Variants in WFDC5 observed in about 807,000 individuals in gnomAD.
WFDC5 encodes WAP four-disulfide core domain 5, also known as WAP four-disulfide core domain protein 5.
WFDC5 carries 15 observed loss-of-function variants against 15.7 expected under a neutral mutation model. The ratio of observed to expected loss-of-function variants is 0.96; its 90% CI spans 0.64 to 1.47. The LOEUF (loss-of-function observed/expected upper bound fraction) is 1.47. WFDC5 is among the 40% of genes most tolerant of loss of function. WFDC5 has a pLI of 0.00. For synonymous variants in WFDC5, 109 were observed against 107.7 expected, an observed-to-expected ratio of 1.01 and a Z score of -0.07; for missense variants, 280 against 258.0, an observed-to-expected ratio of 1.09 and a Z score of -0.59.
At chr20:45,109,472 G>T in exon 4 of WFDC5, 1 of 463,684 alleles carries the variant, frequency 2.2e-6, no homozygotes, top group Non-Finnish European at 3.9e-6. Flanking sequence ...ATTTTCTTTT[G>T]AAATGAATTT....
intron 1 of WFDC5, 106 bp downstream of exon 1, chr20:45,114,873 ACGCACGCACACACACACGCG>A: frequency 1.1e-6 from 1 of 929,240 alleles, no homozygotes; most frequent in Non-Finnish European, 1.6e-6. Flanking sequence ...ACACACACGC[ACGCACGCACACACACACGCG>A]CACACACACC....
chr20:45,109,915 G>A (rs1981562395), exon 4 of WFDC5: 1 of 1,534,680 alleles, frequency 6.5e-7, no homozygotes, highest in Non-Finnish European at 9.0e-7. Context: ...GGTAGAGATA[G>A]TGCTGTCCAG....
chr20:45,116,257 T>C (rs6032002), upstream of WFDC5, among the ~76,000 whole-genome samples: 70,556 of 151,860 alleles, frequency 0.46, 16,788 homozygotes, highest in Middle Eastern at 0.55. Flanking sequence ...TCTAAGCTAT[T>C]AAGATAGGAG....
chr20:45,109,586 A>T lies in WFDC5; in HGVS notation c.*146T>A, dbSNP rs767701612. 104 of 616,026 alleles carry T rather than the reference A, an allele frequency of 1.7e-4. 1 individual carries two copies. In the Middle Eastern group the frequency reaches 1.8e-3, roughly 10 times the overall value. 38.2% of individuals were successfully genotyped at this position (616,026 alleles called of 1,614,324 possible). A position where few individuals can be genotyped will look rare whatever the true frequency, so the allele number is the denominator to read the frequency against. Reference sequence around the variant, plus strand: ...CTATTTTGTAGGTATGGTGAAAATCATGAAAGAGGTGAATGACTGATGTTT... The same window carrying T: ...CTATTTTGTAGGTATGGTGAAAATCTTGAAAGAGGTGAATGACTGATGTTT... On this transcript the variant is annotated 3_prime_UTR_variant, in exon 4 of 4. Transcript: ENST00000307971.
upstream of WFDC5, chr20:45,115,167 G>C: frequency 7.5e-7 from 1 of 1,328,654 alleles, no homozygotes; most frequent in Non-Finnish European, 1.0e-6. Context: ...AGTCAGGAGA[G>C]GAAAGAGAGG....
intron 1 of WFDC5, among the ~76,000 whole-genome samples, chr20:45,114,593 T>A (rs115901130): frequency 0.035 from 5,234 of 150,778 alleles, 319 homozygotes; most frequent in African/African-American, 0.12. Context: ...GGCACCAAGC[T>A]CAGACACATG....
At chr20:45,109,548 A>G (rs1981548742) in exon 4 of WFDC5, 3 of 591,220 alleles carry the variant, frequency 5.1e-6, no homozygotes, top group East Asian at 2.8e-5. Context: ...GCAGCGTGCA[A>G]CCTATCATGG....
At chr20:45,114,910 G>C in intron 1 of WFDC5, 89 bp downstream of exon 1, 1 of 1,398,010 alleles carries the variant, frequency 7.2e-7, no homozygotes, top group East Asian at 2.3e-5. Context: ...CACCCCACAG[G>C]GCATTACCTG....
At chr20:45,113,046 G>A (rs1038525433) in intron 1 of WFDC5, among the ~76,000 whole-genome samples, 5 of 152,180 alleles carry the variant, frequency 3.3e-5, no homozygotes, top group African/African-American at 1.2e-4. Context: ...ACATACATAA[G>A]CATACACAGT....
At chr20:45,110,135 C>T in intron 3 of WFDC5, 122 bp from the exon 4 acceptor site, 1 of 1,414,146 alleles carries the variant, frequency 7.1e-7, no homozygotes, top group Non-Finnish European at 9.5e-7. Flanking sequence ...GATTCCTCTG[C>T]CCCCTTCAAA....
intron 1 of WFDC5, among the ~76,000 whole-genome samples, chr20:45,112,333 T>C (rs1206213768): frequency 6.6e-6 from 1 of 152,002 alleles, no homozygotes. Context: ...AGAGCTTCTG[T>C]GGCGAGGGGC....
chr20:45,114,199 T>G (rs1287461205), intron 1 of WFDC5, among the ~76,000 whole-genome samples: 1 of 152,198 alleles, frequency 6.6e-6, no homozygotes, highest in East Asian at 1.9e-4. Flanking sequence ...TCCCCATTAC[T>G]GTCCCCTTTC....
chr20:45,110,471 TC>T lies in WFDC5; in HGVS notation c.295del (p.Asp99ThrfsTer38), dbSNP rs2145524018. On this transcript the variant is annotated frameshift_variant, in exon 3 of 4. Transcript: ENST00000307971. LOFTEE classifies it high-confidence loss of function. ...TCGCTTTTTGCCCGAGCAGTCTGAG[TC>T]CTTGTGACACAGGTGGTTCATGGGG... is the stretch of plus-strand genomic sequence containing the variant. The T allele has an allele frequency of 6.2e-7, 1 of 1,614,112 alleles. No individual in the cohort carries two copies. Among genetic ancestry groups the T allele is most frequent in the East Asian group, 2.2e-5 (1 of 44,890 alleles).
chr20:45,111,608 G>A (rs16989714), intron 1 of WFDC5, among the ~76,000 whole-genome samples: 4,433 of 152,302 alleles, frequency 0.029, 69 homozygotes, highest in Middle Eastern at 0.037. Flanking sequence ...AGGATCAGGC[G>A]TTAACTCTGT....
chr20:45,115,226 G>A (rs1981732386), upstream of WFDC5: 1 of 678,520 alleles, frequency 1.5e-6, no homozygotes, highest in South Asian at 1.9e-5. Context: ...CACCCCCTGA[G>A]GGCCCGAGGA....
intron 1 of WFDC5, among the ~76,000 whole-genome samples, chr20:45,113,292 C>T (rs945000398): frequency 4.6e-5 from 7 of 152,334 alleles, no homozygotes; most frequent in East Asian, 3.9e-4. Context: ...CCCTTGGCTT[C>T]GTCACCTTCC....
intron 1 of WFDC5, among the ~76,000 whole-genome samples, chr20:45,112,382 G>A: frequency 6.6e-6 from 1 of 152,188 alleles, no homozygotes; most frequent in South Asian, 2.1e-4. Flanking sequence ...TAGGGATGGG[G>A]CATGACAGCT....
At chr20:45,112,738 T>C (rs1045463207) in intron 1 of WFDC5, among the ~76,000 whole-genome samples, 1 of 152,224 alleles carries the variant, frequency 6.6e-6, no homozygotes, top group Admixed American at 6.5e-5. Flanking sequence ...AGCTACAGGC[T>C]TAACAGTAGG....
At chr20:45,113,331 C>T (rs774187052) in intron 1 of WFDC5, among the ~76,000 whole-genome samples, 18 of 152,304 alleles carry the variant, frequency 1.2e-4, no homozygotes, top group African/African-American at 3.9e-4. Flanking sequence ...ACCAACAGCT[C>T]GGCAATGTCT....
Sources: allele counts gnomAD v4.1 joint callset (sites outside exome capture counted in the v4.1 genomes callset), GRCh38; gene constraint gnomAD v4.1.1; transcripts MANE v1.5; gene names NCBI Gene and HGNC (gene_info 2026-07-23, HGNC 2026-07-21).